Variants in NCALD observed in about 807,000 individuals in gnomAD.
NCALD encodes the protein neurocalcin delta.
A neutral mutation model predicts 18.6 loss-of-function variants in NCALD; 10 were observed. That is an observed-to-expected ratio of 0.54 (90% CI 0.33 to 0.91). The LOEUF is 0.91. Among genes scored for constraint, NCALD ranks in the 40% least tolerant of loss-of-function variants. The probability of loss-of-function intolerance (pLI) is 0.03; values close to 1 mark genes in which losing one functional copy is unlikely to be tolerated. For synonymous variants in NCALD, 88 were observed against 87.4 expected (o/e 1.01, Z -0.04); for missense variants, 184 against 247.6 (o/e 0.74, Z 1.72).
chr8:102,114,000 T>TC (rs1361723173), intron 1 of NCALD, among the ~76,000 whole-genome samples: 1 of 152,224 alleles, frequency 6.6e-6, no homozygotes, highest in Non-Finnish European at 1.5e-5. Context: ...AGGGGGTCAC[T>TC]CCGTAGAACT....
chr8:101,913,600 G>A (rs1380672431), intron 3 of NCALD, among the ~76,000 whole-genome samples: 2 of 151,946 alleles, frequency 1.3e-5, no homozygotes, highest in Non-Finnish European at 2.9e-5. Flanking sequence ...TGCTTGTTTT[G>A]GGACAGAGTT....
chr8:101,788,987 A>G (rs1176254428), intron 1 of NCALD: 3 of 152,194 alleles, frequency 2.0e-5, no homozygotes, highest in Non-Finnish European at 4.4e-5. Context: ...TTTGCCATCA[A>G]CGCTGAATTA....
intron 1 of NCALD, among the ~76,000 whole-genome samples, chr8:102,070,755 G>A (rs1824156073): frequency 6.6e-6 from 1 of 152,004 alleles, no homozygotes; most frequent in Non-Finnish European, 1.5e-5. Flanking sequence ...TCCTACCTTG[G>A]GAGTTATCTT....
intron 1 of NCALD, among the ~76,000 whole-genome samples, chr8:102,031,191 C>T (rs914080236): frequency 6.6e-6 from 1 of 152,056 alleles, no homozygotes; most frequent in African/African-American, 2.4e-5. Context: ...TGAAATGTAC[C>T]GTAAGATTGC....
intron 1 of NCALD, among the ~76,000 whole-genome samples, chr8:102,024,951 G>A (rs1000786405): frequency 1.3e-5 from 2 of 152,072 alleles, no homozygotes; most frequent in Admixed American, 1.3e-4. Context: ...AGGATACTTT[G>A]TTCTCCATGT....
At chr8:101,782,873 G>T (rs557958838) in intron 1 of NCALD, among the ~76,000 whole-genome samples, 4 of 152,234 alleles carry the variant, frequency 2.6e-5, no homozygotes. Context: ...GTTGTAGCCA[G>T]TGTGGAAGAC....
At chr8:101,986,175 C>T (rs562465500) in intron 2 of NCALD, among the ~76,000 whole-genome samples, 1 of 152,240 alleles carries the variant, frequency 6.6e-6, no homozygotes, top group East Asian at 1.9e-4. Flanking sequence ...GGATTACAGG[C>T]AGGTGCCACC....
intron 1 of NCALD, among the ~76,000 whole-genome samples, chr8:102,113,562 G>A (rs758695893): frequency 2.6e-5 from 4 of 152,064 alleles, no homozygotes; most frequent in Admixed American, 1.3e-4. Context: ...ATGGTAGGCC[G>A]GCAAATTTTA....
chr8:101,943,521 C>G (rs868313492), intron 2 of NCALD, among the ~76,000 whole-genome samples: 4 of 152,204 alleles, frequency 2.6e-5, no homozygotes, highest in Admixed American at 2.0e-4. Flanking sequence ...GAACCAGACC[C>G]TGAACACAAT....
intron 4 of NCALD, among the ~76,000 whole-genome samples, chr8:101,859,325 T>C (rs1342615988): frequency 6.6e-6 from 1 of 152,236 alleles, no homozygotes; most frequent in African/African-American, 2.4e-5. Flanking sequence ...CCAGCTTCCC[T>C]ACTTTTAAGG....
intron 1 of NCALD, among the ~76,000 whole-genome samples, chr8:102,057,257 TACACACACACAC>T (rs3085988): frequency 2.0e-5 from 3 of 147,660 alleles, no homozygotes; most frequent in East Asian, 2.0e-4. Flanking sequence ...GGCTAGTTCA[TACACACACACAC>T]ACACACACAC....
chr8:102,054,266 C>G (rs149433115), intron 1 of NCALD, among the ~76,000 whole-genome samples: 1 of 152,144 alleles, frequency 6.6e-6, no homozygotes, highest in East Asian at 1.9e-4. Context: ...GCCACCATAC[C>G]CAGATATTTG....
intron 2 of NCALD, among the ~76,000 whole-genome samples, chr8:101,986,163 T>C (rs1820803524): frequency 6.6e-6 from 1 of 152,076 alleles, no homozygotes; most frequent in South Asian, 2.1e-4. Context: ...CCTGAGTAGC[T>C]GGGATTACAG....
intron 1 of NCALD, chr8:102,070,203 A>G (rs1824138029): frequency 1.3e-5 from 2 of 152,198 alleles, no homozygotes; most frequent in African/African-American, 4.8e-5. Flanking sequence ...GTAGGAGTTC[A>G]GGTGATTGGG....
At chr8:101,786,696 A>G (rs1812241665) in intron 1 of NCALD, among the ~76,000 whole-genome samples, 1 of 152,206 alleles carries the variant, frequency 6.6e-6, no homozygotes, top group African/African-American at 2.4e-5. Context: ...GCATAAAAGC[A>G]ATGTGCAGCC....
At position 101,689,226 on chromosome 8, in the gene NCALD, G is replaced by T; in HGVS notation, c.*83C>A. 1 of 1,216,902 alleles carries T rather than the reference G, an allele frequency of 8.2e-7. No homozygotes were observed. Among genetic ancestry groups the T allele is most frequent in the Non-Finnish European group, 1.2e-6 (1 of 852,076 alleles). The allele number at this position is 1,216,902 out of a possible 1,614,324, so 75.4% of individuals were successfully genotyped here. A position where few individuals can be genotyped will look rare whatever the true frequency, so the allele number is the denominator to read the frequency against. The stretch of plus-strand genomic sequence containing the variant: ...GACGGCATCACCATTGATATTGTTT[G>T]GCAAAAAAAAAAAAAAATTGTTAAA... On this transcript the variant is annotated 3_prime_UTR_variant, in exon 4 of 4. Transcript: ENST00000220931. The surrounding 1 kb of genome is among the most constrained non-coding windows in gnomAD (Gnocchi z 4.4).
intron 4 of NCALD, among the ~76,000 whole-genome samples, chr8:101,831,367 T>G (rs568044550): frequency 6.6e-6 from 1 of 152,306 alleles, no homozygotes; most frequent in East Asian, 1.9e-4. Context: ...AAGATCTACC[T>G]GTGCCATTGG....
chr8:102,042,858 GA>G (rs1186425658), intron 1 of NCALD, among the ~76,000 whole-genome samples: 1 of 151,870 alleles, frequency 6.6e-6, no homozygotes, highest in Non-Finnish European at 1.5e-5. Context: ...GAAACATCCA[GA>G]AGGAAAAATG....
At chr8:101,872,053 A>G in intron 4 of NCALD, 1 of 1,370,204 alleles carries the variant, frequency 7.3e-7, no homozygotes. Flanking sequence ...GTAAACAAAT[A>G]CCATGGGCAG....
Sources: allele counts gnomAD v4.1 joint callset (sites outside exome capture counted in the v4.1 genomes callset), GRCh38; gene constraint gnomAD v4.1.1; non-coding constraint Gnocchi (gnomAD v3.1); transcripts MANE v1.5; gene names NCBI Gene and HGNC (gene_info 2026-07-23, HGNC 2026-07-21).